The following MYOM2 variants were observed in gnomAD, a reference collection of about 807,000 sequenced individuals.
MYOM2 encodes the protein myomesin-2.
Under a neutral mutation model 187.6 loss-of-function variants are expected in MYOM2, and 254 were observed. That is an observed-to-expected ratio of 1.35 (90% CI 1.22 to 1.50). The LOEUF (loss-of-function observed/expected upper bound fraction) is 1.50. MYOM2 is among the 40% of genes most tolerant of loss of function. The pLI is 0.00. For synonymous variants in MYOM2, 981 were observed against 753.8 expected, an observed-to-expected ratio of 1.30 and a Z score of -4.94; for missense variants, 2,796 against 1,924.0, an observed-to-expected ratio of 1.45 and a Z score of -8.48.
Position 2,076,048 on chromosome 8 carries a change from A to T in MYOM2, c.1121-93A>T, listed in dbSNP as rs536442504. On this transcript the variant is annotated intron_variant, in intron 10 of 36. Transcript: ENST00000262113. ...ATTAAACAGTGGTCAAATCAAGGGGATAGAATTGGAGCTTGGAGGAGCTGT... is the reference window on the plus strand; with the variant it reads ...ATTAAACAGTGGTCAAATCAAGGGGTTAGAATTGGAGCTTGGAGGAGCTGT... 4.3e-4 allele frequency: 530 copies of T among 1,235,884 alleles called. 2 individuals carry two copies. The African/African-American group carries it at 7.4e-3, about 17-fold the overall frequency. 76.6% of individuals were successfully genotyped at this position (1,235,884 alleles called of 1,614,324 possible). A position where few individuals can be genotyped will look rare whatever the true frequency, so the allele number is the denominator to read the frequency against.
rs1340218721 is a variant in MYOM2 at position 2,082,939 on chromosome 8, T to C, written c.1517-2324T>C. On this transcript the variant is annotated intron_variant, in intron 13 of 36. Transcript: ENST00000262113. ...GGATGAGGGAACAAAATACAGAAGT[T>C]GGAACCAGAAGACCTAAGCCTCGAC... Among the ~76,000 whole-genome samples, 3 of 152,278 alleles carry C rather than the reference T, an allele frequency of 2.0e-5. No homozygotes were observed. The East Asian group carries it at 5.8e-4, about 29-fold the overall frequency.
intron 3 of MYOM2, among the ~76,000 whole-genome samples, chr8:2,055,773 C>G (rs187054917): frequency 1.3e-5 from 2 of 152,272 alleles, no homozygotes; most frequent in South Asian, 4.1e-4. Context: ...CCCTGGGTCT[C>G]GGACAGGCCT....
intron 8 of MYOM2, among the ~76,000 whole-genome samples, chr8:2,071,021 G>T (rs1381969845): frequency 6.6e-6 from 1 of 152,100 alleles, no homozygotes; most frequent in Non-Finnish European, 1.5e-5. Flanking sequence ...AGGCTGGAGT[G>T]CAGTGGTGCG....
intron 6 of MYOM2, among the ~76,000 whole-genome samples, chr8:2,059,646 CAAAT>C (rs1197584320): frequency 6.6e-6 from 1 of 151,066 alleles, no homozygotes; most frequent in Non-Finnish European, 1.5e-5. Flanking sequence ...GAAATGTAGA[CAAAT>C]AAAAGAAAAA....
chr8:2,088,838 A>C (rs1796186722), intron 14 of MYOM2, among the ~76,000 whole-genome samples: 1 of 152,218 alleles, frequency 6.6e-6, no homozygotes, highest in Admixed American at 6.5e-5. Context: ...GAAGTCTCTA[A>C]ACTGCTTTCC....
chr8:2,124,535 T>C (rs540179710), intron 31 of MYOM2, among the ~76,000 whole-genome samples: 2 of 152,248 alleles, frequency 1.3e-5, no homozygotes, highest in African/African-American at 4.8e-5. Flanking sequence ...TTTTTACATA[T>C]GTTGAATAGC....
intron 2 of MYOM2, among the ~76,000 whole-genome samples, chr8:2,051,588 T>G (rs1025446426): frequency 1.3e-5 from 2 of 152,220 alleles, no homozygotes; most frequent in Non-Finnish European, 2.9e-5. Flanking sequence ...CCATCCCTTG[T>G]GCCAAACAAA....
intron 10 of MYOM2, among the ~76,000 whole-genome samples, chr8:2,073,802 C>T (rs1819321368): frequency 6.6e-6 from 1 of 152,166 alleles, no homozygotes; most frequent in South Asian, 2.1e-4. Flanking sequence ...AGTGAGTGCC[C>T]CAGATTTACT....
At chr8:2,069,594 T>A in intron 8 of MYOM2, 97 bp downstream of exon 8, 1 of 1,491,546 alleles carries the variant, frequency 6.7e-7, no homozygotes, top group Middle Eastern at 2.1e-4. Context: ...ATCTTTTTTT[T>A]TTTTTGAGAC....
chr8:2,124,659 T>A (rs951736769), intron 31 of MYOM2, among the ~76,000 whole-genome samples: 2 of 152,164 alleles, frequency 1.3e-5, no homozygotes, highest in African/African-American at 4.8e-5. Context: ...TTCAGCTTGT[T>A]TTTGGAGGAA....
chr8:2,055,793 C>A (rs1379314343), intron 3 of MYOM2, among the ~76,000 whole-genome samples: 1 of 152,220 alleles, frequency 6.6e-6, no homozygotes, highest in Non-Finnish European at 1.5e-5. Flanking sequence ...TTACCGCCAA[C>A]CTGCAGCGGG....
intron 3 of MYOM2, among the ~76,000 whole-genome samples, chr8:2,056,526 GT>G (rs34465897): frequency 0.43 from 64,616 of 151,902 alleles, 14,284 homozygotes; most frequent in East Asian, 0.7. Flanking sequence ...ACATTTCTGA[GT>G]CCCTAAGGAC....
chr8:2,075,425 G>A (rs1271146226), intron 10 of MYOM2, among the ~76,000 whole-genome samples: 3 of 152,164 alleles, frequency 2.0e-5, no homozygotes, highest in Admixed American at 6.5e-5. Context: ...GAATGTGAGA[G>A]GAAACCATTT....
chr8:2,065,516 G>T (rs1412967988), intron 6 of MYOM2, among the ~76,000 whole-genome samples: 2 of 152,162 alleles, frequency 1.3e-5, no homozygotes, highest in African/African-American at 4.8e-5. Flanking sequence ...GTTTCAGTGA[G>T]CCAAGATCAC....
At position 2,085,280 on chromosome 8, in the gene MYOM2, G is replaced by A. The variant is rs747372809; in HGVS notation, c.1534G>A (p.Gly512Arg). The A allele has an allele frequency of 2.0e-5, 32 of 1,613,980 alleles. No individual in the cohort carries two copies. The highest frequency in any genetic ancestry group is 2.6e-5 in the Non-Finnish European group (31 of 1,180,016). ...DDLEGDAQVP[G>R]PPTGVHASEI... ...TCCTCCAGGTGACGCCCAGGTTCCA[G>A]GGCCTCCCACCGGTGTGCACGCTTC... Residue 512 changes from glycine to arginine, a missense_variant, in exon 14 of 37, where the codon GGG becomes AGG. Physicochemically the swap from Gly to Arg is moderately radical, Grantham distance 125. Transcript: ENST00000262113.
intron 28 of MYOM2, among the ~76,000 whole-genome samples, chr8:2,118,154 C>G (rs531376264): frequency 9.9e-5 from 15 of 152,140 alleles, no homozygotes; most frequent in Non-Finnish European, 1.8e-4. Context: ...TTTTCTTCTT[C>G]ACGAAAAGAT....
At chr8:2,120,888 A>G (rs1184510626) in intron 28 of MYOM2, among the ~76,000 whole-genome samples, 1 of 150,882 alleles carries the variant, frequency 6.6e-6, no homozygotes, top group Non-Finnish European at 1.5e-5. Flanking sequence ...TGGTAAATTT[A>G]TTATAGAAAA....
intron 21 of MYOM2, among the ~76,000 whole-genome samples, chr8:2,105,116 G>A (rs1331680363): frequency 6.6e-6 from 1 of 152,046 alleles, no homozygotes; most frequent in African/African-American, 2.4e-5. Context: ...CAACACCGTT[G>A]CACTGGCTTT....
At chr8:2,067,674 T>C (rs1819062032) in intron 6 of MYOM2, among the ~76,000 whole-genome samples, 1 of 152,112 alleles carries the variant, frequency 6.6e-6, no homozygotes, top group Non-Finnish European at 1.5e-5. Context: ...TTTAGTACCA[T>C]GGATATGGGG....
Sources: allele counts gnomAD v4.1 joint callset (sites outside exome capture counted in the v4.1 genomes callset), GRCh38; gene constraint gnomAD v4.1.1; transcripts MANE v1.5; gene names NCBI Gene and HGNC (gene_info 2026-07-23, HGNC 2026-07-21).